EPB41L4B: variants seen among roughly 807,000 people sequenced by gnomAD.
EPB41L4B encodes band 4.1-like protein 4B.
Under a neutral mutation model 112.5 loss-of-function variants are expected in EPB41L4B, and 30 were observed. The observed-to-expected ratio is 0.27, with a 90% confidence interval of 0.20 to 0.36. The LOEUF (loss-of-function observed/expected upper bound fraction) is 0.36. EPB41L4B is among the 10% of genes least tolerant of loss of function. The pLI, the probability that EPB41L4B is intolerant of heterozygous loss-of-function variation, is 1.00. For missense variants in EPB41L4B, 1,024 were observed against 1,133.3 expected, an observed-to-expected ratio of 0.90 and a Z score of 1.38; for synonymous variants, 408 against 439.7, an observed-to-expected ratio of 0.93 and a Z score of 0.90.
At chr9:109,282,389 CTGTA>C (rs781402148) in intron 1 of EPB41L4B, among the ~76,000 whole-genome samples, 9 of 152,184 alleles carry the variant, frequency 5.9e-5, no homozygotes, top group Non-Finnish European at 8.8e-5. Context: ...GATAGGCAAA[CTGTA>C]TGACACGTGA....
chr9:109,198,706 G>A (rs554751521), intron 20 of EPB41L4B, among the ~76,000 whole-genome samples: 136 of 152,182 alleles, frequency 8.9e-4, no homozygotes, highest in Non-Finnish European at 1.3e-3. Context: ...TCAGGAGTTC[G>A]AAACCAGCCT....
intron 20 of EPB41L4B, among the ~76,000 whole-genome samples, chr9:109,195,762 G>A (rs1832619269): frequency 6.6e-6 from 1 of 152,076 alleles, no homozygotes; most frequent in Non-Finnish European, 1.5e-5. Flanking sequence ...TTATATAAAA[G>A]GCCATTTAAA....
At position 109,234,492 on chromosome 9, in the gene EPB41L4B, G is replaced by A. The variant is rs1284869152; in HGVS notation, c.1409+9126C>T. Among the ~76,000 whole-genome samples, 4 of 152,164 alleles carry A rather than the reference G, an allele frequency of 2.6e-5. No individual in the cohort carries two copies. The South Asian group carries it at 6.2e-4, about 24-fold the overall frequency. On this transcript the variant is annotated intron_variant, in intron 15 of 25. Coordinates refer to ENST00000374566, the MANE Select transcript of EPB41L4B (RefSeq NM_019114.5). Reference sequence around the variant, plus strand: ...ATGTTTGCTTCCAAGGAAAACTGGGGAATAAGAAGGTGGAAAGGAAAAGTA... The same window carrying A: ...ATGTTTGCTTCCAAGGAAAACTGGGAAATAAGAAGGTGGAAAGGAAAAGTA...
chr9:109,281,776 C>T (rs1372095466), intron 1 of EPB41L4B, among the ~76,000 whole-genome samples: 2 of 151,654 alleles, frequency 1.3e-5, no homozygotes, highest in African/African-American at 4.8e-5. Flanking sequence ...GAAGTAGAAA[C>T]CCTCATATAC....
chr9:109,310,897 T>C (rs1837391700), intron 1 of EPB41L4B, among the ~76,000 whole-genome samples: 1 of 152,240 alleles, frequency 6.6e-6, no homozygotes, highest in South Asian at 2.1e-4. Context: ...ACAACATGGA[T>C]GAACCTTGAG....
Position 109,320,181 on chromosome 9 carries a change from A to C in EPB41L4B, c.266T>G (p.Val89Gly), listed in dbSNP as rs1837807417. The C allele has an allele frequency of 6.7e-7, 1 of 1,483,686 alleles. No homozygotes were observed. Among genetic ancestry groups the C allele is most frequent in the Non-Finnish European group, 9.0e-7 (1 of 1,114,318 alleles). 91.9% of individuals were successfully genotyped at this position (1,483,686 alleles called of 1,614,324 possible). ...CACTTCGGTCCCGTCGAGCAGGAAG[A>C]CGCGGCAGTAGAGGGTGGCCTTGGC... ...GAAKATLYCR[V>G]FLLDGTEVSV... Residue 89 changes from valine (V) to glycine (G), a missense_variant, in exon 1 of 26, where the codon GTC becomes GGC. By Grantham distance (109) the Val-to-Gly change is moderately radical. Coordinates refer to ENST00000374566, the MANE Select transcript of EPB41L4B (RefSeq NM_019114.5).
At chr9:109,281,720 A>AT (rs1291119835) in intron 1 of EPB41L4B, among the ~76,000 whole-genome samples, 41 of 113,172 alleles carry the variant, frequency 3.6e-4, no homozygotes, top group African/African-American at 1.4e-3. Context: ...AAATAAATAA[A>AT]TAAATTAATT....
chr9:109,256,048 G>T, intron 9 of EPB41L4B, 88 bp downstream of exon 9: 1 of 1,278,296 alleles, frequency 7.8e-7, no homozygotes, highest in Non-Finnish European at 1.1e-6. Flanking sequence ...TCTGGGTGTT[G>T]CAGATACCCC....
chr9:109,238,593 A>G (rs1407577952), intron 15 of EPB41L4B, among the ~76,000 whole-genome samples: 3 of 152,166 alleles, frequency 2.0e-5, no homozygotes, highest in Non-Finnish European at 2.9e-5. Context: ...TGCAGTGTAC[A>G]GGTTTCAGGA....
intron 2 of EPB41L4B, among the ~76,000 whole-genome samples, chr9:109,271,487 G>T (rs1389868290): frequency 6.6e-6 from 1 of 152,180 alleles, no homozygotes; most frequent in Admixed American, 6.5e-5. Flanking sequence ...AGTTCAAAAT[G>T]ATCTGACTTT....
chr9:109,236,771 G>A (rs1220517328), intron 15 of EPB41L4B, among the ~76,000 whole-genome samples: 2 of 152,174 alleles, frequency 1.3e-5, no homozygotes, highest in African/African-American at 4.8e-5. Context: ...CTTACAATGT[G>A]CCATTTCTCA....
intron 15 of EPB41L4B, among the ~76,000 whole-genome samples, chr9:109,239,525 G>A (rs535519224): frequency 1.3e-5 from 2 of 152,284 alleles, no homozygotes; most frequent in African/African-American, 4.8e-5. Context: ...AGAGCAGTGA[G>A]CAGAAGAAAG....
chr9:109,192,442 C>A, intron 21 of EPB41L4B, 87 bp from the exon 22 acceptor site: 1 of 957,712 alleles, frequency 1.0e-6, no homozygotes, highest in Non-Finnish European at 1.6e-6. Context: ...AGGTTCCCAG[C>A]CTCTCCTCTA....
At chr9:109,191,361 G>T (rs1385170647) in intron 22 of EPB41L4B, among the ~76,000 whole-genome samples, 1 of 152,186 alleles carries the variant, frequency 6.6e-6, no homozygotes, top group African/African-American at 2.4e-5. Flanking sequence ...GTGTCTCAGT[G>T]CAGTGCAAGG....
chr9:109,258,072 A>C, intron 7 of EPB41L4B, 105 bp downstream of exon 7: 1 of 1,253,612 alleles, frequency 8.0e-7, no homozygotes, highest in South Asian at 1.5e-5. Flanking sequence ...CTGCAGTTTT[A>C]TGGCCATCAA....
At chr9:109,211,210 G>A (rs1262073643) in intron 17 of EPB41L4B, among the ~76,000 whole-genome samples, 1 of 152,060 alleles carries the variant, frequency 6.6e-6, no homozygotes, top group East Asian at 1.9e-4. Flanking sequence ...CAAGCCAGTG[G>A]CTCCCAATTT....
At chr9:109,303,686 T>C (rs1298641201) in intron 1 of EPB41L4B, among the ~76,000 whole-genome samples, 4 of 151,932 alleles carry the variant, frequency 2.6e-5, no homozygotes, top group Non-Finnish European at 4.4e-5. Context: ...TTTCTTTTTG[T>C]GGAGAAGGGG....
intron 1 of EPB41L4B, among the ~76,000 whole-genome samples, chr9:109,282,574 A>G (rs1164753774): frequency 6.6e-6 from 1 of 152,158 alleles, no homozygotes. Context: ...ACAACAGGAG[A>G]CAACCAGACA....
At chr9:109,290,756 T>TCACA (rs138900441) in intron 1 of EPB41L4B, among the ~76,000 whole-genome samples, 1,684 of 141,420 alleles carry the variant, frequency 0.012, 38 homozygotes, top group African/African-American at 0.042. Flanking sequence ...TATATATACC[T>TCACA]CACACACACA....
Sources: gnomAD v4.1 joint callset for allele counts (sites outside exome capture counted in the v4.1 genomes callset) on GRCh38, gnomAD v4.1.1 for gene constraint, MANE v1.5 for transcripts, NCBI Gene and HGNC (gene_info 2026-07-23, HGNC 2026-07-21) for gene names.